The following GPAM variants were observed in gnomAD, a reference collection of about 807,000 sequenced individuals.
GPAM encodes the protein glycerol-3-phosphate acyltransferase, mitochondrial, also known as glycerol-3-phosphate acyltransferase 1, mitochondrial.
Under a neutral mutation model 105.0 loss-of-function variants are expected in GPAM, and 56 were observed. The ratio of observed to expected loss-of-function variants is 0.53; its 90% CI spans 0.43 to 0.67. The LOEUF is 0.67. GPAM is among the 30% of genes least tolerant of loss of function. The pLI is 0.00. For synonymous variants in GPAM, 368 were observed against 354.4 expected (o/e 1.04, Z -0.43); for missense variants, 855 against 989.8 (o/e 0.86, Z 1.83).
chr10:112,213,648 G>T (rs1847937412), intron 1 of GPAM, among the ~76,000 whole-genome samples: 1 of 144,028 alleles, frequency 6.9e-6, no homozygotes, highest in Non-Finnish European at 1.6e-5. Context: ...AGCAGAAGAA[G>T]TAGATTTACT....
intron 9 of GPAM, among the ~76,000 whole-genome samples, chr10:112,170,683 T>C (rs1847297667): frequency 6.6e-6 from 1 of 152,218 alleles, no homozygotes; most frequent in South Asian, 2.1e-4. Flanking sequence ...AGAGGTCCCC[T>C]GGAGAGCAAA....
At chr10:112,207,054 T>A (rs1009207215) in intron 1 of GPAM, among the ~76,000 whole-genome samples, 1 of 152,204 alleles carries the variant, frequency 6.6e-6, no homozygotes, top group African/African-American at 2.4e-5. Context: ...TAATGTGGTT[T>A]CTCAAACTCA....
chr10:112,210,299 C>G (rs984070619), intron 1 of GPAM, among the ~76,000 whole-genome samples: 2 of 152,204 alleles, frequency 1.3e-5, no homozygotes, highest in African/African-American at 4.8e-5. Flanking sequence ...TGCATAGCAT[C>G]TCTGTCCCTT....
In GPAM at chr10:112,155,642, T is replaced by G. The variant is rs148370451; in HGVS notation, c.2311+222A>C. Reference sequence around the variant, plus strand: ...AACAAAGGAACAACTATATGCAACATGTATGAATCTCAAAAATAACGTTAC... The same window carrying G: ...AACAAAGGAACAACTATATGCAACAGGTATGAATCTCAAAAATAACGTTAC... On this transcript the variant is annotated intron_variant, in intron 20 of 21. Transcript: ENST00000348367. The G allele has an allele frequency of 4.7e-3, 2,192 of 464,134 alleles. 103 individuals are homozygous for G. In the Admixed American group the frequency reaches 0.07, roughly 15 times the overall value. The allele number at this position is 464,134 out of a possible 1,614,324, so 28.8% of individuals were successfully genotyped here.
In GPAM at chr10:112,153,091, G is replaced by T. The variant is rs1846949019; in HGVS notation, c.*459C>A. The T allele has an allele frequency of 2.0e-6, 2 of 1,003,974 alleles. No individual in the cohort carries two copies. Among genetic ancestry groups the T allele is most frequent in the African/African-American group, 3.5e-5 (2 of 57,582 alleles). The allele number at this position is 1,003,974 out of a possible 1,614,324, so 62.2% of individuals were successfully genotyped here. On this transcript the variant is annotated 3_prime_UTR_variant, in exon 22 of 22. Coordinates refer to ENST00000348367, the MANE Select transcript of GPAM (RefSeq NM_001244949.2). The stretch of plus-strand genomic sequence containing the variant: ...CAGATAAAACTGAAAAAGAGTGAAT[G>T]GATGACTCAATTATTTTTAAAGGAA...
upstream of GPAM, among the ~76,000 whole-genome samples, chr10:112,216,129 C>T (rs1358830495): frequency 6.6e-6 from 1 of 152,194 alleles, no homozygotes; most frequent in Non-Finnish European, 1.5e-5. Context: ...CCTCTCCTTC[C>T]TCTGAGGCTC....
At chr10:112,192,954 A>C (rs1847679572) in intron 1 of GPAM, among the ~76,000 whole-genome samples, 1 of 152,156 alleles carries the variant, frequency 6.6e-6, no homozygotes, top group Non-Finnish European at 1.5e-5. Flanking sequence ...GTAAGGAAGA[A>C]AGTAAGTAGG....
chr10:112,166,842 C>T (rs1847226740), intron 11 of GPAM, among the ~76,000 whole-genome samples: 1 of 152,084 alleles, frequency 6.6e-6, no homozygotes, highest in Non-Finnish European at 1.5e-5. Flanking sequence ...GCCTGGAAAA[C>T]TTCTGTGGTT....
In GPAM at chr10:112,164,133, G is replaced by C. The variant is rs190780709; in HGVS notation, c.1308-317C>G. Among the ~76,000 whole-genome samples, 302 of 152,128 alleles carry C rather than the reference G, an allele frequency of 2.0e-3. 1 individual carries two copies. The Middle Eastern group carries it at 0.024, about 12-fold the overall frequency. ...AACACTTCCACATATTAAAGGAAAG[G>C]CTTCATATTCAATTTCTCTAAGTTA... is the stretch of plus-strand genomic sequence containing the variant. On this transcript the variant is annotated intron_variant, in intron 13 of 21. Transcript: ENST00000348367.
Position 112,190,663 on chromosome 10 carries a change from T to C in GPAM, n.211-7772A>G, listed in dbSNP as rs142990163. Among the ~76,000 whole-genome samples, 47 of 152,268 alleles carry C rather than the reference T, an allele frequency of 3.1e-4. No homozygotes were observed. The Middle Eastern group carries it at 0.014, about 44-fold the overall frequency. The stretch of plus-strand genomic sequence containing the variant: ...AGACTCAGCTTTAAATAAGAGATGT[T>C]AGAGGATGACTGGAATAGCATAGTG... On this transcript the variant is annotated intron_variant and non_coding_transcript_variant, in intron 1 of 3. Transcript: ENST00000480130.
chr10:112,178,134 A>G, intron 4 of GPAM, 77 bp from the exon 5 acceptor site: 4 of 775,802 alleles, frequency 5.2e-6, no homozygotes, highest in Admixed American at 1.9e-5. Context: ...TGAGTTCTTG[A>G]TAACTTTAAT....
chr10:112,175,696 G>A lies in GPAM; in HGVS notation c.317C>T (p.Ala106Val). The A allele has an allele frequency of 1.9e-6, 3 of 1,610,490 alleles. No individual in the cohort carries two copies. Among genetic ancestry groups the A allele is most frequent in the Non-Finnish European group, 1.7e-6 (2 of 1,176,740 alleles). ...AAAAAGAACGTAAGAAAGGCGTCTT[G>A]CAAGCCATCCGCGGTGTCTGTGAAA... ...ETHTRHRGWL[A>V]RRLSYVLFIQ... The change falls in exon 6 of 22, where the codon GCA becomes GTA. Residue 106 changes from alanine (A) to valine (V), a missense_variant. By Grantham distance (64) the Ala-to-Val change is moderately conservative. Coordinates refer to ENST00000348367, the MANE Select transcript of GPAM (RefSeq NM_001244949.2).
chr10:112,189,533 C>T (rs1847631796), intron 1 of GPAM, among the ~76,000 whole-genome samples: 1 of 152,218 alleles, frequency 6.6e-6, no homozygotes, highest in Non-Finnish European at 1.5e-5. Flanking sequence ...TATTTCTACT[C>T]TCTGATTATA....
intron 1 of GPAM, among the ~76,000 whole-genome samples, chr10:112,213,694 G>A (rs945004682): frequency 1.3e-5 from 2 of 152,212 alleles, no homozygotes; most frequent in African/African-American, 4.8e-5. Context: ...GACTTGGTCA[G>A]ACCCAGAGGC....
chr10:112,211,058 T>TCTAC (rs1238054116), intron 1 of GPAM, among the ~76,000 whole-genome samples: 2 of 152,130 alleles, frequency 1.3e-5, no homozygotes, highest in African/African-American at 4.8e-5. Flanking sequence ...GAGAACTGGG[T>TCTAC]CTACAGGAAG....
At chr10:112,184,312 C>A (rs1412537412), upstream of GPAM, among the ~76,000 whole-genome samples, 1 of 152,120 alleles carries the variant, frequency 6.6e-6, no homozygotes, top group Admixed American at 6.5e-5. Flanking sequence ...TGTTACACAG[C>A]ATGGTGAATA....
Position 112,150,149 on chromosome 10 carries a change from A to C in GPAM, c.*3401T>G, listed in dbSNP as rs938268744. 1 of 984,708 alleles carries C rather than the reference A, an allele frequency of 1.0e-6. No homozygotes were observed. Among genetic ancestry groups the C allele is most frequent in the African/African-American group, 1.7e-5 (1 of 57,364 alleles). 61.0% of individuals were successfully genotyped at this position (984,708 alleles called of 1,614,324 possible). A position where few individuals can be genotyped will look rare whatever the true frequency, so the allele number is the denominator to read the frequency against. Reference sequence around the variant, plus strand: ...AATCATTAGTTTGTATTAAACTAAAATGCCAGACGGCAAGTCTCAGGTTTC... The same window carrying C: ...AATCATTAGTTTGTATTAAACTAAACTGCCAGACGGCAAGTCTCAGGTTTC... On this transcript the variant is annotated 3_prime_UTR_variant, in exon 22 of 22. Coordinates refer to ENST00000348367, the MANE Select transcript of GPAM (RefSeq NM_001244949.2).
At chr10:112,166,662 AT>A in intron 11 of GPAM, 147 bp from the exon 12 acceptor site, 1 of 678,796 alleles carries the variant, frequency 1.5e-6, no homozygotes, top group South Asian at 1.6e-5. Flanking sequence ...GGAGGTAATC[AT>A]TAACTGCGGC....
Position 112,164,561 on chromosome 10 carries a change from A to G in GPAM, c.1271T>C (p.Leu424Pro), listed in dbSNP as rs774854082. 2.4e-5 allele frequency: 39 copies of G among 1,607,230 alleles called. No individual in the cohort carries two copies. The highest frequency in any genetic ancestry group is 2.1e-4 in the African/African-American group (16 of 74,772). ...SQKPVSALLS[L>P]EQALLPAILP... is the part of the protein sequence containing the mutation. Reference sequence around the variant, plus strand: ...TATAGCTGGTAACAACGCTTGCTCCAGGGAAAGTAGAGCAGACACCGGTTT... The same window carrying G: ...TATAGCTGGTAACAACGCTTGCTCCGGGGAAAGTAGAGCAGACACCGGTTT... The change falls in exon 13 of 22, where the codon CTG (leucine) becomes CCG (proline). Residue 424 changes from leucine to proline, a missense_variant. Transcript: ENST00000348367.
Sources: gnomAD v4.1 joint callset for allele counts (sites outside exome capture counted in the v4.1 genomes callset) on GRCh38, gnomAD v4.1.1 for gene constraint, MANE v1.5 for transcripts, NCBI Gene and HGNC (gene_info 2026-07-23, HGNC 2026-07-21) for gene names.